Variants in NTM observed in about 807,000 individuals in gnomAD.
NTM encodes IgLON family member 2.
In NTM, 13 loss-of-function variants were observed where a neutral mutation model predicts 42.1. That is an observed-to-expected ratio of 0.31 (90% CI 0.20 to 0.49). The LOEUF (loss-of-function observed/expected upper bound fraction) is 0.49, where lower values mean the gene tolerates loss of function less well. Among genes scored for constraint, NTM ranks in the 20% least tolerant of loss-of-function variants. The pLI, the probability that NTM is intolerant of heterozygous loss-of-function variation, is 0.99. For missense variants in NTM, 373 were observed against 452.8 expected (o/e 0.82, Z 1.60); for synonymous variants, 187 against 179.2 (o/e 1.04, Z -0.35).
At chr11:131,625,422 C>A (rs1310304698) in intron 1 of NTM, among the ~76,000 whole-genome samples, 1 of 152,048 alleles carries the variant, frequency 6.6e-6, no homozygotes, top group Non-Finnish European at 1.5e-5. Context: ...AATCCAGTCG[C>A]TTCTTGGGAT....
intron 2 of NTM, among the ~76,000 whole-genome samples, chr11:132,096,143 C>G (rs1407488091): frequency 6.6e-6 from 1 of 152,190 alleles, no homozygotes; most frequent in African/African-American, 2.4e-5. Context: ...CATTGACTTT[C>G]TCTCCCCATA....
chr11:131,825,438 A>G (rs576872756), intron 1 of NTM, among the ~76,000 whole-genome samples: 15 of 152,250 alleles, frequency 9.9e-5, no homozygotes, highest in African/African-American at 3.6e-4. Flanking sequence ...ATGAGGCTGG[A>G]TATGAGGCTA....
rs138482730 is a variant in NTM at position 131,424,605 on chromosome 11, T to C, written c.82+53717T>C. Among the ~76,000 whole-genome samples, 21 of 98,842 alleles carry C rather than the reference T, an allele frequency of 2.1e-4. 1 individual carries two copies. Among genetic ancestry groups the C allele is most frequent in the Admixed American group, 8.5e-4 (9 of 10,550 alleles). 64.8% of individuals were successfully genotyped at this position (98,842 alleles called of 152,430 possible). ...TTTTTTATTTCTTTTCTTTTCTTTT[T>C]TTTTTTTTTTTTTGGCGCAATCTTG... On this transcript the variant is annotated intron_variant, in intron 1 of 8. Transcript: ENST00000683400.
rs116719502 is a variant in NTM, at chr11:131,800,538, T to C, written c.83-111026T>C. 7.3e-3 allele frequency among the ~76,000 whole-genome samples: 1,110 copies of C among 152,344 alleles called. 7 individuals carry two copies. The highest frequency in any genetic ancestry group is 0.025 in the African/African-American group (1,033 of 41,576). On this transcript the variant is annotated intron_variant, in intron 1 of 8. Transcript: ENST00000683400. ...ATGAATACATATCGCTTTGTTTAAA[T>C]AACACTTGGTTTTGCTGCTTTTAAT...
At chr11:131,600,464 C>T (rs1365635582) in intron 1 of NTM, among the ~76,000 whole-genome samples, 1 of 152,098 alleles carries the variant, frequency 6.6e-6, no homozygotes, top group Non-Finnish European at 1.5e-5. Context: ...CATTTCATTC[C>T]ATTTAGCAGC....
Position 131,660,031 on chromosome 11 carries a change from A to G in NTM, c.83-251533A>G, listed in dbSNP as rs528810336. ...TGGTGGGTGAGGGGCTGTTCTTGCA[A>G]GTAGAATGCTCAGAGCCTGGCTTCC... On this transcript the variant is annotated intron_variant, in intron 1 of 8. Transcript: ENST00000683400. Among the ~76,000 whole-genome samples, 7 of 152,318 alleles carry G rather than the reference A, an allele frequency of 4.6e-5. No homozygotes were observed. The East Asian group carries it at 1.2e-3, about 25-fold the overall frequency.
At chr11:131,745,804 T>C (rs76913729) in intron 1 of NTM, among the ~76,000 whole-genome samples, 4,243 of 152,324 alleles carry the variant, frequency 0.028, 191 homozygotes, top group African/African-American at 0.096. Flanking sequence ...TAAATATTTC[T>C]TGGGAAATAT....
intron 1 of NTM, among the ~76,000 whole-genome samples, chr11:131,829,196 A>C (rs1291223595): frequency 6.6e-6 from 1 of 152,160 alleles, no homozygotes; most frequent in Non-Finnish European, 1.5e-5. Context: ...AATGATTACA[A>C]ATTTTGCTTT....
chr11:132,040,641 C>T (rs767941697), intron 2 of NTM, among the ~76,000 whole-genome samples: 6 of 152,222 alleles, frequency 3.9e-5, no homozygotes, highest in East Asian at 1.9e-4. Context: ...GTTCCCACTC[C>T]CATCCCCAGG....
intron 1 of NTM, among the ~76,000 whole-genome samples, chr11:131,525,682 G>C (rs1041226489): frequency 1.3e-5 from 2 of 152,176 alleles, no homozygotes; most frequent in Non-Finnish European, 2.9e-5. Flanking sequence ...AGCATCACTG[G>C]GGCATGAGGT....
At chr11:132,170,769 A>C (rs568830553) in intron 3 of NTM, among the ~76,000 whole-genome samples, 1 of 152,174 alleles carries the variant, frequency 6.6e-6, no homozygotes, top group African/African-American at 2.4e-5. Flanking sequence ...GAAAGCATTC[A>C]ATTTAAAAAA....
At chr11:132,200,044 T>G (rs975462572) in intron 3 of NTM, among the ~76,000 whole-genome samples, 26 of 152,186 alleles carry the variant, frequency 1.7e-4, no homozygotes, top group Non-Finnish European at 8.8e-5. Context: ...GCTGCCACTC[T>G]CGCTGAGAAC....
At chr11:131,512,479 C>T (rs570192543) in intron 1 of NTM, among the ~76,000 whole-genome samples, 20 of 152,094 alleles carry the variant, frequency 1.3e-4, no homozygotes, top group Admixed American at 1.2e-3. Flanking sequence ...GCCCAGAGGC[C>T]GACTCCCACA....
chr11:131,698,139 AT>A (rs2075675030), intron 1 of NTM, among the ~76,000 whole-genome samples: 1 of 152,092 alleles, frequency 6.6e-6, no homozygotes, highest in Non-Finnish European at 1.5e-5. Context: ...CTTTTTTCTA[AT>A]TCAACTTTTA....
In NTM at chr11:132,146,862, T is replaced by A. The variant is rs903807649; in HGVS notation, c.400+348T>A. 2 of 294,572 alleles carry A rather than the reference T, an allele frequency of 6.8e-6. No individual in the cohort carries two copies. Among genetic ancestry groups the A allele is most frequent in the African/African-American group, 4.4e-5 (2 of 45,216 alleles). 18.2% of individuals were successfully genotyped at this position (294,572 alleles called of 1,614,324 possible). On this transcript the variant is annotated intron_variant, in intron 3 of 8. Transcript: ENST00000683400. The surrounding 1 kb of genome is among the most constrained non-coding windows in gnomAD (Gnocchi z 4.5). The stretch of plus-strand genomic sequence containing the variant: ...GTTTTGTTTTTTAGATTTCATCCAA[T>A]TCCAAGACTGTGTTATGTTTAAAAC...
At chr11:131,684,922 G>A (rs2134906770) in intron 1 of NTM, among the ~76,000 whole-genome samples, 1 of 152,340 alleles carries the variant, frequency 6.6e-6, no homozygotes, top group Admixed American at 6.5e-5. Flanking sequence ...CCTCAGGGGT[G>A]AGTGAGCCCC....
intron 4 of NTM, among the ~76,000 whole-genome samples, chr11:132,226,523 T>C (rs1307932409): frequency 1.3e-5 from 2 of 152,252 alleles, no homozygotes; most frequent in African/African-American, 4.8e-5. Flanking sequence ...GAGAAGTGTC[T>C]GTTCATATCC....
chr11:131,543,155 T>C (rs991586036), intron 1 of NTM, among the ~76,000 whole-genome samples: 7 of 152,176 alleles, frequency 4.6e-5, no homozygotes, highest in Non-Finnish European at 1.5e-5. Context: ...ACGCTGCCAT[T>C]TTCTCCAGAG....
chr11:131,933,293 C>T (rs550600347), intron 2 of NTM, among the ~76,000 whole-genome samples: 84 of 152,258 alleles, frequency 5.5e-4, no homozygotes, highest in African/African-American at 1.9e-3. Flanking sequence ...CCCCTACACC[C>T]GCAGGCATCA....
Sources: allele counts gnomAD v4.1 joint callset (sites outside exome capture counted in the v4.1 genomes callset), GRCh38; gene constraint gnomAD v4.1.1; non-coding constraint Gnocchi (gnomAD v3.1); transcripts MANE v1.5; gene names NCBI Gene and HGNC (gene_info 2026-07-23, HGNC 2026-07-21).